SPATA13: variants seen among roughly 807,000 people sequenced by gnomAD.
SPATA13 encodes the protein spermatogenesis associated 13.
SPATA13 carries 50 observed loss-of-function variants against 104.0 expected under a neutral mutation model. The ratio of observed to expected loss-of-function variants is 0.48; its 90% CI spans 0.38 to 0.61. SPATA13 has a LOEUF of 0.61. Ranked by LOEUF, SPATA13 falls within the 20% of genes least tolerant of loss-of-function variation. The probability of loss-of-function intolerance (pLI) is 0.00; values close to 1 mark genes in which losing one functional copy is unlikely to be tolerated. For missense variants in SPATA13, 1,524 were observed against 1,690.6 expected (o/e 0.90, Z 1.73); for synonymous variants, 606 against 667.5 (o/e 0.91, Z 1.42).
chr13:24,292,910 C>T (rs538508366), intron 9 of SPATA13, among the ~76,000 whole-genome samples: 4 of 143,578 alleles, frequency 2.8e-5, no homozygotes, highest in South Asian at 4.6e-4. Context: ...GCACGAAAAT[C>T]GCTTGAACCC....
chr13:24,016,391 C>T (rs1371862576), intron 2 of SPATA13, among the ~76,000 whole-genome samples: 1 of 152,216 alleles, frequency 6.6e-6, no homozygotes, highest in Non-Finnish European at 1.5e-5. Flanking sequence ...TGACATCACC[C>T]TGGATGTCAC....
intron 3 of SPATA13, among the ~76,000 whole-genome samples, chr13:24,087,350 C>T (rs1879759301): frequency 6.6e-6 from 1 of 151,994 alleles, no homozygotes; most frequent in African/African-American, 2.4e-5. Context: ...TTGATCAGCC[C>T]CTTGCCCTCC....
intron 3 of SPATA13, among the ~76,000 whole-genome samples, chr13:24,103,088 G>C (rs1393956952): frequency 6.6e-6 from 1 of 152,276 alleles, no homozygotes; most frequent in African/African-American, 2.4e-5. Context: ...GATATGTTAA[G>C]TCATTCTTGG....
chr13:24,093,346 T>C (rs769043890), intron 3 of SPATA13, among the ~76,000 whole-genome samples: 1 of 152,240 alleles, frequency 6.6e-6, no homozygotes, highest in Non-Finnish European at 1.5e-5. Flanking sequence ...TATCCCACTG[T>C]TCTGTGCCAT....
rs1162711759 is a variant in SPATA13 at position 24,286,590 on chromosome 13, G to C, written c.2482-175G>C. Among the ~76,000 whole-genome samples the C allele has an allele frequency of 6.6e-6, 1 of 152,092 alleles. No homozygotes were observed. The highest frequency in any genetic ancestry group is 1.5e-5 in the Non-Finnish European group (1 of 68,030). ...AGCGAGTTGCTCGGTGTTTCTCTGT[G>C]GTCCTCGTGCCTGCTGGCATAGCCG... is the stretch of plus-strand genomic sequence containing the variant. On this transcript the variant is annotated intron_variant, in intron 6 of 12. Transcript: ENST00000382108. The surrounding 1 kb of genome is among the most constrained non-coding windows in gnomAD (Gnocchi z 4.9).
At chr13:23,997,039 G>T (rs1875729702) in intron 2 of SPATA13, among the ~76,000 whole-genome samples, 1 of 152,128 alleles carries the variant, frequency 6.6e-6, no homozygotes, top group Non-Finnish European at 1.5e-5. Flanking sequence ...GCTAATAATG[G>T]AATAACAAGT....
Position 24,223,589 on chromosome 13 carries a change from C to T in SPATA13, c.660C>T (p.Asn220=). 1 of 1,550,740 alleles carries T rather than the reference C, an allele frequency of 6.4e-7. No individual in the cohort carries two copies. ...TCTGCCTGCTGGATGCGCCCCAGAA[C>T]CATGCGACACCCACGATAGCCACTG... ...GRICLLDAPQ[N]HATPTIATGQ... is the part of the protein sequence containing the mutation. The change falls in exon 2 of 13, where the codon AAC becomes AAT. Residue 220 remains asparagine, a synonymous_variant. Transcript: ENST00000382108.
intron 3 of SPATA13, among the ~76,000 whole-genome samples, chr13:24,114,034 G>T (rs931858650): frequency 6.6e-6 from 1 of 152,180 alleles, no homozygotes; most frequent in Non-Finnish European, 1.5e-5. Flanking sequence ...TTTTCTACAA[G>T]TCTGAATGTG....
Position 24,289,144 on chromosome 13 carries a change from A to C in SPATA13, c.2813A>C (p.His938Pro). 6.2e-7 allele frequency: 1 copy of C among 1,611,648 alleles called. No homozygotes were observed. The highest frequency in any genetic ancestry group is 8.5e-7 in the Non-Finnish European group (1 of 1,179,484). The change falls in exon 8 of 13, where the codon CAC becomes CCC. Residue 938 changes from histidine to proline, a missense_variant. By Grantham distance (77) the His-to-Pro change is moderately conservative (BLOSUM62 -2). Coordinates refer to ENST00000382108, the MANE Select transcript of SPATA13 (RefSeq NM_001166271.3). ...AAACAGTACAACAAAGAGGAACCTC[A>C]CTTAAGTGAAATAGGATCTTGCTTT... is the stretch of plus-strand genomic sequence containing the variant. ...LEKQYNKEEP[H>P]LSEIGSCFLQ...
chr13:24,102,164 C>T (rs1466863489), intron 3 of SPATA13, among the ~76,000 whole-genome samples: 1 of 152,148 alleles, frequency 6.6e-6, no homozygotes, highest in Non-Finnish European at 1.5e-5. Context: ...TTTTCTTGAT[C>T]GTAGCCACTC....
chr13:24,207,346 G>T (rs561552835), intron 1 of SPATA13, among the ~76,000 whole-genome samples: 2 of 152,288 alleles, frequency 1.3e-5, no homozygotes, highest in East Asian at 1.9e-4. Context: ...TAACAAATCT[G>T]CACATCCCGC....
intron 3 of SPATA13, among the ~76,000 whole-genome samples, chr13:24,066,157 G>A (rs1238124243): frequency 6.6e-6 from 1 of 152,124 alleles, no homozygotes; most frequent in Admixed American, 6.6e-5. Context: ...GGTAATAGTT[G>A]AATTAATCAG....
chr13:24,200,384 A>G (rs1190607782), intron 1 of SPATA13, among the ~76,000 whole-genome samples: 1 of 152,078 alleles, frequency 6.6e-6, no homozygotes, highest in African/African-American at 2.4e-5. Context: ...GTTTTATTAA[A>G]TACTTAATTC....
At chr13:24,100,454 C>G (rs1880223484) in intron 3 of SPATA13, among the ~76,000 whole-genome samples, 1 of 152,196 alleles carries the variant, frequency 6.6e-6, no homozygotes, top group Non-Finnish European at 1.5e-5. Flanking sequence ...CTCTCCCTGT[C>G]TCTCACTCTC....
intron 1 of SPATA13, among the ~76,000 whole-genome samples, chr13:24,172,923 T>C (rs73450932): frequency 0.011 from 1,606 of 152,360 alleles, 31 homozygotes; most frequent in African/African-American, 0.037. Context: ...GTTAAGTTTC[T>C]GATCAGTTAA....
intron 3 of SPATA13, chr13:24,035,031 C>G (rs1245216246): frequency 3.3e-5 from 5 of 152,210 alleles, no homozygotes; most frequent in Admixed American, 1.3e-4. Context: ...CATGACACAT[C>G]AACTTTCATT....
chr13:24,166,272 C>T (rs565053618), intron 1 of SPATA13, among the ~76,000 whole-genome samples: 10 of 152,130 alleles, frequency 6.6e-5, no homozygotes, highest in Non-Finnish European at 1.2e-4. Context: ...GAGGGAGAGG[C>T]CCATATGTAA....
chr13:24,098,617 A>G lies in SPATA13; in HGVS notation c.-112+80916A>G, dbSNP rs545529837. 2.8e-3 allele frequency among the ~76,000 whole-genome samples: 362 copies of G among 127,316 alleles called. 1 individual carries two copies. Among genetic ancestry groups the G allele is most frequent in the African/African-American group, 8.6e-3 (345 of 40,314 alleles). 83.5% of individuals were successfully genotyped at this position (127,316 alleles called of 152,430 possible). On this transcript the variant is annotated intron_variant, in intron 3 of 14. Coordinates refer to the SPATA13 transcript ENST00000424834. Reference sequence around the variant, plus strand: ...CTTAAAAAAAAAAAAAAGAAGAAGAAGAAAAGAAAGAAAGAAAGAAAAAAG... The same window carrying G: ...CTTAAAAAAAAAAAAAAGAAGAAGAGGAAAAGAAAGAAAGAAAGAAAAAAG...
At chr13:23,986,967 CA>C (rs1316854399) in intron 2 of SPATA13, among the ~76,000 whole-genome samples, 2 of 149,294 alleles carry the variant, frequency 1.3e-5, no homozygotes, top group African/African-American at 5.0e-5. Context: ...TGACAAGTTT[CA>C]AATCTTGTTA....
Sources: allele counts gnomAD v4.1 joint callset (sites outside exome capture counted in the v4.1 genomes callset), GRCh38; gene constraint gnomAD v4.1.1; non-coding constraint Gnocchi (gnomAD v3.1); transcripts MANE v1.5; gene names NCBI Gene and HGNC (gene_info 2026-07-23, HGNC 2026-07-21).